Variants in DENND1B observed in about 807,000 individuals in gnomAD.
The protein encoded by DENND1B is DENN domain-containing protein 1B.
In DENND1B, 59 loss-of-function variants were observed where a neutral mutation model predicts 90.1. The observed-to-expected ratio is 0.65, with a 90% CI of 0.53 to 0.81. The LOEUF (loss-of-function observed/expected upper bound fraction) is 0.81, where lower values mean the gene tolerates loss of function less well. DENND1B is among the 40% of genes least tolerant of loss of function. The pLI is 0.00. For synonymous variants in DENND1B, 337 were observed against 324.6 expected, an observed-to-expected ratio of 1.04 and a Z score of -0.41; for missense variants, 862 against 912.6, an observed-to-expected ratio of 0.94 and a Z score of 0.71.
At chr1:197,536,594 G>A (rs976931907) in intron 20 of DENND1B, among the ~76,000 whole-genome samples, 6 of 152,040 alleles carry the variant, frequency 3.9e-5, no homozygotes, top group Non-Finnish European at 7.4e-5. Flanking sequence ...ACAATTGCTA[G>A]AGGGCCCAAA....
At chr1:197,650,917 G>A (rs2125933424) in intron 7 of DENND1B, among the ~76,000 whole-genome samples, 1 of 152,292 alleles carries the variant, frequency 6.6e-6, no homozygotes, top group South Asian at 2.1e-4. Context: ...ATGGTGTAGT[G>A]TATACTGCTA....
intron 2 of DENND1B, among the ~76,000 whole-genome samples, chr1:197,759,803 C>T (rs534055631): frequency 4.0e-5 from 6 of 148,944 alleles, no homozygotes; most frequent in Admixed American, 1.3e-4. Flanking sequence ...AGAGCACCAG[C>T]TTATTCATCT....
Position 197,758,018 on chromosome 1 carries a change from A to G in DENND1B, c.82+14850T>C, listed in dbSNP as rs367651225. 8.3e-4 allele frequency among the ~76,000 whole-genome samples: 126 copies of G among 152,326 alleles called. 1 individual carries two copies. Among genetic ancestry groups the G allele is most frequent in the African/African-American group, 2.8e-3 (115 of 41,580 alleles). Reference sequence around the variant, plus strand: ...CTCTTAGAAGTTTGAAAACTTACACATATATGGAATTCTAACTTTGTTGCT... The same window carrying G: ...CTCTTAGAAGTTTGAAAACTTACACGTATATGGAATTCTAACTTTGTTGCT... On this transcript the variant is annotated intron_variant, in intron 2 of 22. Transcript: ENST00000620048.
At chr1:197,706,563 G>C (rs1343463595) in intron 3 of DENND1B, among the ~76,000 whole-genome samples, 9 of 152,164 alleles carry the variant, frequency 5.9e-5, no homozygotes, top group African/African-American at 2.2e-4. Context: ...GAATATACAA[G>C]GAACTCAAAC....
intron 2 of DENND1B, among the ~76,000 whole-genome samples, chr1:197,732,656 C>G (rs950298110): frequency 6.6e-6 from 1 of 152,116 alleles, no homozygotes; most frequent in Non-Finnish European, 1.5e-5. Flanking sequence ...ATTAATACAT[C>G]CAAGCAAGAA....
At chr1:197,521,285 C>A (rs1357670710) in intron 20 of DENND1B, among the ~76,000 whole-genome samples, 1 of 151,866 alleles carries the variant, frequency 6.6e-6, no homozygotes, top group African/African-American at 2.4e-5. Context: ...GAAAATCACT[C>A]CCCTGATGCA....
intron 9 of DENND1B, 32 bp from the exon 10 acceptor site, chr1:197,642,853 C>T: frequency 6.7e-7 from 1 of 1,503,566 alleles, no homozygotes; most frequent in Non-Finnish European, 9.2e-7. Flanking sequence ...GTGTAAGTTA[C>T]AGCTCATAGT....
At chr1:197,707,579 T>C (rs1455707759) in intron 3 of DENND1B, among the ~76,000 whole-genome samples, 1 of 147,804 alleles carries the variant, frequency 6.8e-6, no homozygotes, top group Non-Finnish European at 1.5e-5. Context: ...ATTATATGCA[T>C]ATATTTATAT....
intron 15 of DENND1B, among the ~76,000 whole-genome samples, chr1:197,561,745 T>C (rs904935013): frequency 6.6e-6 from 1 of 151,956 alleles, no homozygotes; most frequent in Non-Finnish European, 1.5e-5. Flanking sequence ...TCAATTTTAA[T>C]TGAGACAAAT....
chr1:197,600,747 T>C (rs1001546929), intron 13 of DENND1B, among the ~76,000 whole-genome samples: 1 of 151,628 alleles, frequency 6.6e-6, no homozygotes, highest in Admixed American at 6.6e-5. Flanking sequence ...ATATGAGAGA[T>C]ATGAAATAAG....
At chr1:197,681,294 CTG>C (rs1160649073) in intron 3 of DENND1B, among the ~76,000 whole-genome samples, 1 of 152,100 alleles carries the variant, frequency 6.6e-6, no homozygotes, top group Non-Finnish European at 1.5e-5. Context: ...GAAGCAAACA[CTG>C]TTAACATTGC....
At chr1:197,596,262 C>T (rs963421564) in intron 13 of DENND1B, among the ~76,000 whole-genome samples, 1 of 151,888 alleles carries the variant, frequency 6.6e-6, no homozygotes, top group Non-Finnish European at 1.5e-5. Context: ...TATTTATGAA[C>T]AGAATTTTAA....
chr1:197,667,440 CT>C (rs958726144), intron 5 of DENND1B, among the ~76,000 whole-genome samples: 1 of 151,628 alleles, frequency 6.6e-6, no homozygotes, highest in African/African-American at 2.4e-5. Context: ...TTATTATTAT[CT>C]TTTTTTTCCG....
chr1:197,524,750 G>A (rs1409355327), intron 20 of DENND1B, among the ~76,000 whole-genome samples: 1 of 152,124 alleles, frequency 6.6e-6, no homozygotes, highest in African/African-American at 2.4e-5. Context: ...TACTGGTTGT[G>A]TTGAACTGAA....
intron 2 of DENND1B, among the ~76,000 whole-genome samples, chr1:197,721,320 C>T (rs1203297829): frequency 6.6e-5 from 10 of 151,912 alleles, no homozygotes; most frequent in African/African-American, 2.4e-4. Flanking sequence ...CCGCCTGCCT[C>T]GGCCTCCCAA....
intron 3 of DENND1B, among the ~76,000 whole-genome samples, chr1:197,703,728 T>C (rs1379250440): frequency 1.3e-5 from 2 of 152,220 alleles, no homozygotes. Context: ...GCTTACTGAT[T>C]AATTTTTTTG....
chr1:197,698,199 C>A (rs188105204), intron 3 of DENND1B, among the ~76,000 whole-genome samples: 15 of 151,930 alleles, frequency 9.9e-5, no homozygotes, highest in African/African-American at 1.9e-4. Flanking sequence ...TGCAAAAGAA[C>A]AGAAATCAAA....
Position 197,692,599 on chromosome 1 carries a change from AAAT to A in DENND1B, c.127-18433_127-18431del, listed in dbSNP as rs1218439748. 6.6e-5 allele frequency among the ~76,000 whole-genome samples: 10 copies of A among 151,984 alleles called. No homozygotes were observed. The East Asian group carries it at 1.4e-3, about 21-fold the overall frequency. On this transcript the variant is annotated intron_variant, in intron 3 of 22. Transcript: ENST00000620048. ...TCCTCCTTAATGCCCCATATCCTAT[AAAT>A]AATAACTCCACAGACAATCATGTAA...
rs78339532 is a variant in DENND1B at position 197,622,243 on chromosome 1, C to T, written c.673-4484G>A. Among the ~76,000 whole-genome samples, 119 of 151,414 alleles carry T rather than the reference C, an allele frequency of 7.9e-4. 1 individual carries two copies. The highest frequency in any genetic ancestry group is 1.4e-3 in the Non-Finnish European group (92 of 67,526). On this transcript the variant is annotated intron_variant, in intron 10 of 22. Transcript: ENST00000620048. The stretch of plus-strand genomic sequence containing the variant: ...CATGTGCCAAGAACTGTTATGAGTA[C>T]TTGAACTACTCATACCTAATCCTCA...
Sources: allele counts gnomAD v4.1 joint callset (sites outside exome capture counted in the v4.1 genomes callset), GRCh38; gene constraint gnomAD v4.1.1; transcripts MANE v1.5; gene names NCBI Gene and HGNC (gene_info 2026-07-23, HGNC 2026-07-21).